DRC1: variants seen among roughly 807,000 people sequenced by gnomAD.
The protein encoded by DRC1 is dynein regulatory complex subunit 1, also known as dynein regulatory complex protein 1.
DRC1 carries 74 observed loss-of-function variants against 98.7 expected under a neutral mutation model. The ratio of observed to expected loss-of-function variants is 0.75; its 90% confidence interval spans 0.62 to 0.91. The LOEUF is 0.91. DRC1 is among the 40% of genes least tolerant of loss of function. The pLI is 0.00. For missense variants in DRC1, 875 were observed against 886.0 expected (o/e 0.99, Z 0.16); for synonymous variants, 336 against 334.1 (o/e 1.01, Z -0.06).
chr2:26,451,516 A>G (rs1217758122), intron 13 of DRC1, among the ~76,000 whole-genome samples: 2 of 152,220 alleles, frequency 1.3e-5, no homozygotes, highest in Admixed American at 6.5e-5. Context: ...CATGCCTGTA[A>G]AAAGAGTTGG....
chr2:26,407,119 C>T (rs1678454478), intron 1 of DRC1, among the ~76,000 whole-genome samples: 3 of 151,858 alleles, frequency 2.0e-5, no homozygotes, highest in African/African-American at 4.8e-5. Context: ...CACACCCAGC[C>T]GGGAGATGTC....
Position 26,456,523 on chromosome 2 carries a change from A to T in DRC1, c.*6A>T. ...TGCGGGTACCCACAAAATGAGCTGG[A>T]CCGCCAAAGGCTGATGTGTTAGGGC... On this transcript the variant is annotated 3_prime_UTR_variant, in exon 17 of 17. Coordinates refer to ENST00000288710, the MANE Select transcript of DRC1 (RefSeq NM_145038.5). The T allele has an allele frequency of 6.2e-7, 1 of 1,614,114 alleles. No homozygotes were observed. Among genetic ancestry groups the T allele is most frequent in the South Asian group, 1.1e-5 (1 of 91,068 alleles).
chr2:26,411,584 A>T (rs1678611814), intron 1 of DRC1, among the ~76,000 whole-genome samples: 1 of 152,082 alleles, frequency 6.6e-6, no homozygotes, highest in Non-Finnish European at 1.5e-5. Flanking sequence ...GTTAATAAGA[A>T]TTTATAGCAT....
intron 1 of DRC1, among the ~76,000 whole-genome samples, chr2:26,407,513 C>A (rs1273010421): frequency 2.6e-5 from 4 of 152,156 alleles, no homozygotes; most frequent in African/African-American, 9.7e-5. Context: ...AAGTTCTTAG[C>A]CCTTAGCAGT....
rs1044673744 is a variant in DRC1 at position 26,454,900 on chromosome 2, A to G, written c.2063+110A>G. On this transcript the variant is annotated intron_variant, in intron 15 of 16. Transcript: ENST00000288710. The surrounding 1 kb of genome is among the most constrained non-coding windows in gnomAD (Gnocchi z 5.2). ...TGTCCCACTGAACCTGGGAGGGAAG[A>G]GCTGCCCTTGGCATCTCCTGTGTGG... 23 of 1,553,468 alleles carry G rather than the reference A, an allele frequency of 1.5e-5. No homozygotes were observed. In the Middle Eastern group the frequency reaches 5.4e-4, roughly 37 times the overall value.
intron 1 of DRC1, among the ~76,000 whole-genome samples, chr2:26,409,777 G>GT (rs1399317697): frequency 6.6e-5 from 10 of 152,082 alleles, no homozygotes; most frequent in African/African-American, 2.4e-4. Context: ...GTAAAACAGT[G>GT]TTTATTTATT....
chr2:26,421,394 G>C lies in DRC1; in HGVS notation c.350G>C (p.Arg117Pro). 1 of 1,612,572 alleles carries C rather than the reference G, an allele frequency of 6.2e-7. No homozygotes were observed. Among genetic ancestry groups the C allele is most frequent in the East Asian group, 2.2e-5 (1 of 44,794 alleles). Residue 117 changes from arginine (R) to proline (P), a missense_variant, in exon 3 of 17, where the codon CGT (arginine) becomes CCT (proline). Transcript: ENST00000288710. ...AGAGTCGAAGAAGAGGAGATAAAGC[G>C]TCAAAGGTAAGGACTGTGCTACTCT... ...HRRVEEEEIK[R>P]QRIEKLENEV...
intron 1 of DRC1, among the ~76,000 whole-genome samples, chr2:26,411,527 T>C: frequency 6.6e-6 from 1 of 151,724 alleles, no homozygotes; most frequent in Non-Finnish European, 1.5e-5. Flanking sequence ...TGCTAAGCAG[T>C]AAAAAATGAT....
chr2:26,416,165 T>C (rs1425129770), intron 2 of DRC1, among the ~76,000 whole-genome samples: 1 of 152,162 alleles, frequency 6.6e-6, no homozygotes, highest in East Asian at 1.9e-4. Context: ...ACAAAAATGC[T>C]CCCTTCCTCA....
chr2:26,426,608 C>G (rs1663291325), intron 4 of DRC1, among the ~76,000 whole-genome samples: 1 of 151,942 alleles, frequency 6.6e-6, no homozygotes, highest in African/African-American at 2.4e-5. Flanking sequence ...CTCAGGTGAC[C>G]CACCTACCTC....
chr2:26,435,911 A>G (rs1020748787), intron 7 of DRC1, among the ~76,000 whole-genome samples: 1 of 152,152 alleles, frequency 6.6e-6, no homozygotes, highest in Non-Finnish European at 1.5e-5. Context: ...ATAGGCTGCA[A>G]TGAACATATG....
intron 1 of DRC1, among the ~76,000 whole-genome samples, chr2:26,409,343 T>C (rs903530487): frequency 6.6e-6 from 1 of 152,234 alleles, no homozygotes; most frequent in African/African-American, 2.4e-5. Context: ...GGGACTTAGA[T>C]TGAAATGATA....
At position 26,448,746 on chromosome 2, in the gene DRC1, G is replaced by A. The variant is rs1417232935; in HGVS notation, c.1452G>A (p.Pro484=). 2.1e-5 allele frequency: 34 copies of A among 1,614,220 alleles called. 1 individual carries two copies. Among genetic ancestry groups the A allele is most frequent in the African/African-American group, 8.0e-5 (6 of 75,062 alleles). Reference sequence around the variant, plus strand: ...AACCAGAGTCCTACCTGGATTTGCCGAAGCAAATTTCTGAAAAAACTACCA... The same window carrying A: ...AACCAGAGTCCTACCTGGATTTGCCAAAGCAAATTTCTGAAAAAACTACCA... ...AAEPESYLDL[P]KQISEKTTKR... is the part of the protein sequence containing the mutation. Residue 484 remains proline (P), a synonymous_variant, in exon 11 of 17, where the codon CCG becomes CCA. Coordinates refer to ENST00000288710, the MANE Select transcript of DRC1 (RefSeq NM_145038.5).
At chr2:26,411,267 C>T (rs2147978151) in intron 1 of DRC1, among the ~76,000 whole-genome samples, 1 of 152,328 alleles carries the variant, frequency 6.6e-6, no homozygotes, top group East Asian at 1.9e-4. Context: ...CTAGTAGCCA[C>T]ATTGAAAGTG....
chr2:26,417,066 A>T (rs1678830107), intron 2 of DRC1, among the ~76,000 whole-genome samples: 1 of 152,158 alleles, frequency 6.6e-6, no homozygotes, highest in Non-Finnish European at 1.5e-5. Context: ...AACACCACCA[A>T]GAGGATGGTG....
At chr2:26,403,884 G>A (rs550800862) in intron 1 of DRC1, among the ~76,000 whole-genome samples, 20 of 151,400 alleles carry the variant, frequency 1.3e-4, no homozygotes, top group Admixed American at 3.3e-4. Flanking sequence ...GCGGGATCAC[G>A]AGGTCAGGAG....
chr2:26,454,614 G>GGACAT lies in DRC1; in HGVS notation c.1920-28_1920-24dup. 6.2e-7 allele frequency: 1 copy of GGACAT among 1,612,166 alleles called. No individual in the cohort carries two copies. The highest frequency in any genetic ancestry group is 8.5e-7 in the Non-Finnish European group (1 of 1,178,944). On this transcript the variant is annotated intron_variant, in intron 14 of 16. Transcript: ENST00000288710. The surrounding 1 kb of genome is among the most constrained non-coding windows in gnomAD (Gnocchi z 5.2). ...CCTGGGGGCCTGGGTAGTACCCAAT[G>GGACAT]GACATGACAATCACTGTGCTCTTGG...
At chr2:26,407,484 C>T (rs1678464075) in intron 1 of DRC1, among the ~76,000 whole-genome samples, 1 of 152,184 alleles carries the variant, frequency 6.6e-6, no homozygotes, top group East Asian at 1.9e-4. Context: ...GACAGGACCT[C>T]TGTGGCCGAG....
chr2:26,426,816 T>C (rs1377543204), intron 4 of DRC1, among the ~76,000 whole-genome samples: 2 of 152,236 alleles, frequency 1.3e-5, no homozygotes, highest in African/African-American at 4.8e-5. Context: ...GTTGGGATTT[T>C]GTTAAGGACT....
Sources: allele counts gnomAD v4.1 joint callset (sites outside exome capture counted in the v4.1 genomes callset), GRCh38; gene constraint gnomAD v4.1.1; non-coding constraint Gnocchi (gnomAD v3.1); transcripts MANE v1.5; gene names NCBI Gene and HGNC (gene_info 2026-07-23, HGNC 2026-07-21).